EPHB2: variants seen among roughly 807,000 people sequenced by gnomAD.
EPHB2 encodes EPH receptor B2, also known as ephrin type-B receptor 2.
Under a neutral mutation model 96.4 loss-of-function variants are expected in EPHB2, and 18 were observed. That is an observed-to-expected ratio of 0.19 (90% CI 0.13 to 0.28). EPHB2 has a LOEUF of 0.28. EPHB2 is among the 10% of genes least tolerant of loss of function. EPHB2 has a pLI of 1.00. For synonymous variants in EPHB2, 506 were observed against 534.1 expected (o/e 0.95, Z 0.72); for missense variants, 989 against 1,355.4 (o/e 0.73, Z 4.25).
chr1:22,893,914 T>G (rs1201736798), intron 7 of EPHB2, among the ~76,000 whole-genome samples: 1 of 152,196 alleles, frequency 6.6e-6, no homozygotes, highest in Admixed American at 6.5e-5. Context: ...GGTGACTCTG[T>G]CTGACCAGAT....
At chr1:22,845,540 T>C (rs540756830) in intron 3 of EPHB2, among the ~76,000 whole-genome samples, 105 of 152,292 alleles carry the variant, frequency 6.9e-4, no homozygotes, top group Non-Finnish European at 3.5e-4. Flanking sequence ...TTCTCGAGGA[T>C]TAGTCCTTGT....
intron 1 of EPHB2, among the ~76,000 whole-genome samples, chr1:22,717,661 G>A (rs2148333514): frequency 6.6e-6 from 1 of 152,334 alleles, no homozygotes; most frequent in South Asian, 2.1e-4. Flanking sequence ...AGAACTGCCT[G>A]GCACTCAGCT....
intron 1 of EPHB2, among the ~76,000 whole-genome samples, chr1:22,759,499 T>A (rs2148392448): frequency 6.6e-6 from 1 of 152,262 alleles, no homozygotes; most frequent in East Asian, 1.9e-4. Flanking sequence ...TGGAGTCGGC[T>A]GAGCTCAGTA....
At chr1:22,750,471 G>T (rs1380377577) in intron 1 of EPHB2, among the ~76,000 whole-genome samples, 1 of 152,124 alleles carries the variant, frequency 6.6e-6, no homozygotes, top group Admixed American at 6.5e-5. Flanking sequence ...GGCTCCAGGG[G>T]AACACGGAAA....
At chr1:22,813,362 GA>G (rs1200547739) in intron 3 of EPHB2, among the ~76,000 whole-genome samples, 3 of 152,238 alleles carry the variant, frequency 2.0e-5, no homozygotes, top group African/African-American at 7.2e-5. Context: ...AGAGTAGGGT[GA>G]GGGGTCCACT....
At chr1:22,845,733 C>T (rs899887490) in intron 3 of EPHB2, among the ~76,000 whole-genome samples, 17 of 152,216 alleles carry the variant, frequency 1.1e-4, no homozygotes, top group African/African-American at 3.1e-4. Flanking sequence ...CACACACACA[C>T]GTACACAGAC....
intron 5 of EPHB2, among the ~76,000 whole-genome samples, chr1:22,874,735 C>A (rs1390770707): frequency 6.6e-6 from 1 of 152,182 alleles, no homozygotes; most frequent in Non-Finnish European, 1.5e-5. Context: ...CAAATGAGCA[C>A]ATGAACAGCC....
chr1:22,766,899 T>A (rs1412158839), intron 1 of EPHB2, among the ~76,000 whole-genome samples: 2 of 152,228 alleles, frequency 1.3e-5, no homozygotes, highest in African/African-American at 4.8e-5. Context: ...GGGGAGCTGA[T>A]GAACTGACTG....
chr1:22,810,483 A>C (rs1644987850), intron 3 of EPHB2, among the ~76,000 whole-genome samples: 1 of 152,166 alleles, frequency 6.6e-6, no homozygotes, highest in Non-Finnish European at 1.5e-5. Flanking sequence ...ACCTGAGGCA[A>C]GTCACCTCTC....
At chr1:22,870,636 A>G (rs948784326) in intron 5 of EPHB2, among the ~76,000 whole-genome samples, 1 of 152,146 alleles carries the variant, frequency 6.6e-6, no homozygotes, top group African/African-American at 2.4e-5. Flanking sequence ...GTAGCATTTC[A>G]CTGATCCCGG....
chr1:22,867,967 G>A (rs974738626), intron 5 of EPHB2, among the ~76,000 whole-genome samples: 6 of 152,218 alleles, frequency 3.9e-5, no homozygotes, highest in Non-Finnish European at 8.8e-5. Flanking sequence ...ACAAAGCTCT[G>A]AGCTGGAGAA....
chr1:22,889,937 T>A (rs1639340118), intron 6 of EPHB2, among the ~76,000 whole-genome samples: 1 of 152,246 alleles, frequency 6.6e-6, no homozygotes, highest in Non-Finnish European at 1.5e-5. Context: ...TAAATTTGAC[T>A]GAGCAGCATC....
chr1:22,913,379 C>G lies in EPHB2; in HGVS notation c.2853-83C>G, dbSNP rs146425892. 2 of 1,552,256 alleles carry G rather than the reference C, an allele frequency of 1.3e-6. No homozygotes were observed. On this transcript the variant is annotated intron_variant, in intron 15 of 15. Transcript: ENST00000374630. The surrounding 1 kb of genome is among the most constrained non-coding windows in gnomAD (Gnocchi z 4.1). ...ACTCCTTGCTTTGCCATCTTCCTCCCGGGGAAGCCCAGGCAGCTCTCTACC... is the reference window on the plus strand; with the variant it reads ...ACTCCTTGCTTTGCCATCTTCCTCCGGGGGAAGCCCAGGCAGCTCTCTACC...
rs1349647677 is a variant in EPHB2, at chr1:22,909,011, C to A, written c.2353-11C>A. 21 of 1,614,018 alleles carry A rather than the reference C, an allele frequency of 1.3e-5. No homozygotes were observed. The highest frequency in any genetic ancestry group is 1.0e-5 in the Non-Finnish European group (12 of 1,180,030). On this transcript the variant is annotated splice_polypyrimidine_tract_variant and intron_variant, in intron 12 of 15. Coordinates refer to ENST00000374630, the MANE Select transcript of EPHB2 (RefSeq NM_017449.5). ...CTCCCACCCACAAACCCTCCTCTTTCTGTCTCCCAGGGCGGAAAGATCCCC... is the reference window on the plus strand; with the variant it reads ...CTCCCACCCACAAACCCTCCTCTTTATGTCTCCCAGGGCGGAAAGATCCCC...
intron 3 of EPHB2, among the ~76,000 whole-genome samples, chr1:22,859,302 G>C (rs893689612): frequency 1.3e-5 from 2 of 150,974 alleles, no homozygotes; most frequent in South Asian, 2.1e-4. Context: ...CCTGGTGGGG[G>C]GGGGGGTATT....
chr1:22,785,280 G>A (rs1233559337), intron 3 of EPHB2, among the ~76,000 whole-genome samples: 1 of 152,176 alleles, frequency 6.6e-6, no homozygotes, highest in African/African-American at 2.4e-5. Context: ...AACGATCCGC[G>A]CACATGCCGC....
chr1:22,841,206 G>A (rs1352687916), intron 3 of EPHB2, among the ~76,000 whole-genome samples: 1 of 152,200 alleles, frequency 6.6e-6, no homozygotes, highest in Non-Finnish European at 1.5e-5. Context: ...ATGGCAGCAG[G>A]TTAGTGCCTG....
intron 15 of EPHB2, 130 bp downstream of exon 15, chr1:22,912,729 G>T (rs989879927): frequency 7.1e-7 from 1 of 1,409,390 alleles, no homozygotes; most frequent in African/African-American, 1.4e-5. Context: ...CAAGGGGCAA[G>T]ATGGCCAACT....
chr1:22,875,297 G>C lies in EPHB2; in HGVS notation c.1304-7062G>C, dbSNP rs1041620534. ...AAAAGCAGCTGTCCCATGATGAGCT[G>C]GGAATTCTAAGAGTCCCGTCCCAAG... On this transcript the variant is annotated intron_variant, in intron 5 of 15. Coordinates refer to ENST00000374630, the MANE Select transcript of EPHB2 (RefSeq NM_017449.5). This position sits in a 1 kb window ranked among gnomAD's most constrained non-coding sequence, Gnocchi z 4.2. Among the ~76,000 whole-genome samples, 6 of 152,196 alleles carry C rather than the reference G, an allele frequency of 3.9e-5. No homozygotes were observed. The highest frequency in any genetic ancestry group is 3.3e-4 in the Admixed American group (5 of 15,282).
Sources: allele counts gnomAD v4.1 joint callset (sites outside exome capture counted in the v4.1 genomes callset), GRCh38; gene constraint gnomAD v4.1.1; non-coding constraint Gnocchi (gnomAD v3.1); transcripts MANE v1.5; gene names NCBI Gene and HGNC (gene_info 2026-07-23, HGNC 2026-07-21).